The following ZPBP variants were observed in gnomAD, a reference collection of about 807,000 sequenced individuals.
The protein encoded by ZPBP is zona pellucida-binding protein 1.
A neutral mutation model predicts 44.8 loss-of-function variants in ZPBP; 26 were observed. The ratio of observed to expected loss-of-function variants is 0.58; its 90% CI spans 0.43 to 0.81. The LOEUF (loss-of-function observed/expected upper bound fraction) is 0.81, where lower values mean the gene tolerates loss of function less well. Ranked by LOEUF, ZPBP falls within the 30% of genes least tolerant of loss-of-function variation. The pLI is 0.00. For missense variants in ZPBP, 409 were observed against 434.0 expected, an observed-to-expected ratio of 0.94 and a Z score of 0.51; for synonymous variants, 174 against 153.2, an observed-to-expected ratio of 1.14 and a Z score of -1.00.
chr7:49,860,669 A>T (rs1306489647), intron 2 of ZPBP, among the ~76,000 whole-genome samples: 1 of 152,176 alleles, frequency 6.6e-6, no homozygotes. Flanking sequence ...GGACTGAATT[A>T]TTTCCCCCAA....
At chr7:49,968,751 A>T (rs540711493) in intron 7 of ZPBP, among the ~76,000 whole-genome samples, 252 of 152,164 alleles carry the variant, frequency 1.7e-3, no homozygotes, top group Non-Finnish European at 2.7e-3. Context: ...TCATAATATC[A>T]CAGCTATTAG....
chr7:50,030,501 T>TTA (rs1554376209), intron 5 of ZPBP, among the ~76,000 whole-genome samples: 16 of 149,760 alleles, frequency 1.1e-4, no homozygotes, highest in East Asian at 7.8e-4. Context: ...AATAATAATT[T>TTA]AAAAAAAAAC....
chr7:49,939,949 C>T (rs955272445), intron 7 of ZPBP, among the ~76,000 whole-genome samples: 4 of 152,266 alleles, frequency 2.6e-5, no homozygotes, highest in South Asian at 4.1e-4. Context: ...CATAACTGAC[C>T]ATCTGAAAAT....
intron 2 of ZPBP, among the ~76,000 whole-genome samples, chr7:49,871,248 A>G (rs1049146085): frequency 6.6e-6 from 1 of 152,214 alleles, no homozygotes; most frequent in African/African-American, 2.4e-5. Flanking sequence ...CATGTAAAAA[A>G]TTGGGCATTT....
At chr7:49,974,565 C>CA (rs923558738) in intron 7 of ZPBP, among the ~76,000 whole-genome samples, 8 of 151,658 alleles carry the variant, frequency 5.3e-5, no homozygotes, top group East Asian at 1.9e-4. Context: ...TCCATAATGG[C>CA]AAAAAAACCA....
At chr7:49,972,635 T>C (rs527891662) in intron 7 of ZPBP, among the ~76,000 whole-genome samples, 1 of 152,058 alleles carries the variant, frequency 6.6e-6, no homozygotes, top group Non-Finnish European at 1.5e-5. Flanking sequence ...GACTTAATAT[T>C]ATTAAGATGG....
intron 6 of ZPBP, among the ~76,000 whole-genome samples, chr7:49,994,281 A>G (rs140100758): frequency 4.8e-4 from 73 of 152,274 alleles, no homozygotes; most frequent in Middle Eastern, 3.4e-3. Context: ...CATATTGTTG[A>G]GAACCATCTG....
chr7:49,999,965 T>C (rs1450754240), intron 6 of ZPBP, among the ~76,000 whole-genome samples: 1 of 152,196 alleles, frequency 6.6e-6, no homozygotes, highest in Non-Finnish European at 1.5e-5. Flanking sequence ...CCCCACCTGA[T>C]GTGCTTGATG....
chr7:49,922,108 GCTCA>G (rs1318686622), intron 1 of ZPBP, among the ~76,000 whole-genome samples: 1 of 151,924 alleles, frequency 6.6e-6, no homozygotes. Context: ...AATCCTTGAG[GCTCA>G]CTCAAATATG....
intron 2 of ZPBP, among the ~76,000 whole-genome samples, chr7:50,086,203 A>G (rs1228344431): frequency 1.3e-5 from 2 of 152,138 alleles, no homozygotes; most frequent in African/African-American, 4.8e-5. Context: ...CGATATCAGC[A>G]AACAGCAACA....
chr7:49,911,554 A>G (rs1181188586), intron 1 of ZPBP, among the ~76,000 whole-genome samples: 7 of 151,312 alleles, frequency 4.6e-5, no homozygotes, highest in Admixed American at 4.6e-4. Context: ...TTTCATTATT[A>G]CTGAAATTAT....
At chr7:50,047,328 C>A (rs1800421461) in intron 4 of ZPBP, among the ~76,000 whole-genome samples, 1 of 152,030 alleles carries the variant, frequency 6.6e-6, no homozygotes, top group Non-Finnish European at 1.5e-5. Flanking sequence ...GATGTCTTCA[C>A]AATATATCAT....
chr7:49,941,045 A>G (rs528485969), intron 7 of ZPBP, among the ~76,000 whole-genome samples: 1 of 152,316 alleles, frequency 6.6e-6, no homozygotes, highest in East Asian at 1.9e-4. Context: ...AGCATAAGAA[A>G]AGATGTTCCA....
At chr7:50,066,974 A>G (rs143076548) in intron 3 of ZPBP, among the ~76,000 whole-genome samples, 17 of 152,198 alleles carry the variant, frequency 1.1e-4, no homozygotes, top group Non-Finnish European at 2.2e-4. Flanking sequence ...CCAAGGTGTG[A>G]CACCTGCAAC....
intron 4 of ZPBP, among the ~76,000 whole-genome samples, chr7:50,055,679 G>A (rs990996066): frequency 2.1e-4 from 32 of 152,068 alleles, no homozygotes; most frequent in African/African-American, 7.7e-4. Flanking sequence ...CTTACACTAA[G>A]CAAGCATTAT....
intron 2 of ZPBP, among the ~76,000 whole-genome samples, chr7:49,876,902 G>A (rs913223965): frequency 2.6e-5 from 4 of 151,776 alleles, no homozygotes; most frequent in African/African-American, 9.7e-5. Context: ...AAATTTATCA[G>A]TGGGATCCTT....
chr7:49,963,503 C>G (rs2128765839), intron 7 of ZPBP, among the ~76,000 whole-genome samples: 1 of 151,774 alleles, frequency 6.6e-6, no homozygotes, highest in South Asian at 2.1e-4. Context: ...AAGAGTTGGA[C>G]AGATAAATAG....
At chr7:50,059,341 AAAGAG>A (rs762048886) in intron 3 of ZPBP, among the ~76,000 whole-genome samples, 1 of 152,206 alleles carries the variant, frequency 6.6e-6, no homozygotes, top group African/African-American at 2.4e-5. Flanking sequence ...TCAGGTATTG[AAAGAG>A]AAATGAACAG....
chr7:49,984,975 G>T (rs1213202617), intron 6 of ZPBP, among the ~76,000 whole-genome samples: 1 of 152,120 alleles, frequency 6.6e-6, no homozygotes, highest in Non-Finnish European at 1.5e-5. Flanking sequence ...GTCTGCATGA[G>T]TTTTCTCCAG....
Sources: gnomAD v4.1 joint callset for allele counts (sites outside exome capture counted in the v4.1 genomes callset) on GRCh38, gnomAD v4.1.1 for gene constraint, MANE v1.5 for transcripts, NCBI Gene and HGNC (gene_info 2026-07-23, HGNC 2026-07-21) for gene names.